The following DGLUCY variants were observed in gnomAD, a reference collection of about 807,000 sequenced individuals.
The protein encoded by DGLUCY is D-glutamate cyclase.
A neutral mutation model predicts 58.5 loss-of-function variants in DGLUCY; 58 were observed. That is an observed-to-expected ratio of 0.99 (90% CI 0.80 to 1.23). DGLUCY has a LOEUF of 1.23. Among genes scored for constraint, DGLUCY ranks in the 50% most tolerant of loss-of-function variants. The pLI is 0.00. For synonymous variants in DGLUCY, 325 were observed against 314.1 expected, an observed-to-expected ratio of 1.03 and a Z score of -0.37; for missense variants, 779 against 784.7, an observed-to-expected ratio of 0.99 and a Z score of 0.09.
chr14:91,154,964 C>T (rs548977162), intron 1 of DGLUCY, among the ~76,000 whole-genome samples: 1 of 152,142 alleles, frequency 6.6e-6, no homozygotes, highest in Non-Finnish European at 1.5e-5. Flanking sequence ...CAGCTGGTCC[C>T]CCCAGTACCT....
intron 5 of DGLUCY, among the ~76,000 whole-genome samples, chr14:91,170,441 G>T (rs569028839): frequency 6.6e-6 from 1 of 152,310 alleles, no homozygotes; most frequent in South Asian, 2.1e-4. Flanking sequence ...TCATGGTTCA[G>T]TGCTGTAAAC....
intron 9 of DGLUCY, among the ~76,000 whole-genome samples, chr14:91,189,479 T>C (rs1467510439): frequency 6.6e-6 from 1 of 152,128 alleles, no homozygotes; most frequent in Non-Finnish European, 1.5e-5. Flanking sequence ...TTCTTAGCAA[T>C]CCGGGGCAGC....
chr14:91,106,737 A>G (rs2140092613), upstream of DGLUCY, among the ~76,000 whole-genome samples: 1 of 151,520 alleles, frequency 6.6e-6, no homozygotes, highest in East Asian at 1.9e-4. Context: ...TTATGAATGT[A>G]TTGAAGGCGA....
At chr14:91,199,939 G>T in intron 11 of DGLUCY, 34 bp downstream of exon 11, 1 of 1,612,640 alleles carries the variant, frequency 6.2e-7, no homozygotes, top group Non-Finnish European at 8.5e-7. Context: ...CACCAAGAAC[G>T]TGGCCCCATG....
At chr14:91,178,953 G>A (rs1258874325) in intron 7 of DGLUCY, among the ~76,000 whole-genome samples, 3 of 152,126 alleles carry the variant, frequency 2.0e-5, no homozygotes, top group Non-Finnish European at 4.4e-5. Flanking sequence ...GAACCCCAGA[G>A]GCGGAGGTTG....
chr14:91,181,366 A>G lies in DGLUCY; in HGVS notation c.911A>G (p.Glu304Gly). The G allele has an allele frequency of 6.2e-7, 1 of 1,613,890 alleles. No homozygotes were observed. The highest frequency in any genetic ancestry group is 1.3e-5 in the African/African-American group (1 of 75,042). The part of the protein sequence containing the change: ...VSASQKIREL[E>G]SMIGIDPGNR... ...GCTTCTCAGAAGATCAGAGAACTAGAGTCTATGATCGGCATAGACCCAGGT... is the reference window on the plus strand; with the variant it reads ...GCTTCTCAGAAGATCAGAGAACTAGGGTCTATGATCGGCATAGACCCAGGT... The change falls in exon 8 of 14, where the codon GAG becomes GGG. Residue 304 changes from glutamate (E) to glycine (G), a missense_variant. Coordinates refer to ENST00000256324, the MANE Select transcript of DGLUCY (RefSeq NM_001102368.3).
chr14:91,199,301 C>A (rs1595899483), intron 10 of DGLUCY, among the ~76,000 whole-genome samples: 1 of 152,030 alleles, frequency 6.6e-6, no homozygotes, highest in Non-Finnish European at 1.5e-5. Context: ...ACTCTGTCGC[C>A]CAGGCTGGAG....
intron 1 of DGLUCY, among the ~76,000 whole-genome samples, chr14:91,068,889 A>G (rs2043870634): frequency 1.3e-5 from 2 of 152,228 alleles, no homozygotes; most frequent in Admixed American, 6.5e-5. Flanking sequence ...GCTAAGAGTC[A>G]ATGTACAGTG....
At chr14:91,132,622 G>A (rs1295123703) in intron 1 of DGLUCY, among the ~76,000 whole-genome samples, 1 of 152,028 alleles carries the variant, frequency 6.6e-6, no homozygotes, top group Non-Finnish European at 1.5e-5. Context: ...GGGATTACAG[G>A]CGCCCGCCAC....
intron 1 of DGLUCY, among the ~76,000 whole-genome samples, chr14:91,108,509 G>GTA: frequency 7.8e-5 from 7 of 89,684 alleles, no homozygotes; most frequent in Admixed American, 5.3e-4. Flanking sequence ...GTGTGTGTGT[G>GTA]TGTGTGTGTG....
upstream of DGLUCY, among the ~76,000 whole-genome samples, chr14:91,111,943 T>A (rs1223713877): frequency 6.6e-6 from 1 of 152,148 alleles, no homozygotes; most frequent in Non-Finnish European, 1.5e-5. Flanking sequence ...TCTTGTCTAA[T>A]AAAGCTTAAC....
intron 12 of DGLUCY, among the ~76,000 whole-genome samples, chr14:91,206,270 C>G (rs1354414488): frequency 6.6e-6 from 1 of 152,196 alleles, no homozygotes; most frequent in East Asian, 1.9e-4. Context: ...GTGAAGTTCA[C>G]AGTCCAGGGC....
upstream of DGLUCY, among the ~76,000 whole-genome samples, chr14:91,111,290 A>ATATAT (rs1555391951): frequency 4.8e-5 from 3 of 62,798 alleles, no homozygotes; most frequent in African/African-American, 1.2e-4. Flanking sequence ...ATATATATAT[A>ATATAT]TTTTTTTTTG....
At position 91,216,297 on chromosome 14, in the gene DGLUCY, G is replaced by A. The variant is rs572353129; in HGVS notation, c.1716+741G>A. 4.2e-4 allele frequency: 66 copies of A among 156,182 alleles called. 1 individual carries two copies. The Middle Eastern group carries it at 0.017, about 40-fold the overall frequency. The allele number at this position is 156,182 out of a possible 1,614,324, so 9.7% of individuals were successfully genotyped here. On this transcript the variant is annotated intron_variant, in intron 13 of 13. Coordinates refer to ENST00000256324, the MANE Select transcript of DGLUCY (RefSeq NM_001102368.3). ...TGTTCCTGTACATGTATTTTTCTGC[G>A]CAAGACTCTGTGGTTTCATCAGATT...
chr14:91,179,360 G>A (rs1019077256), intron 7 of DGLUCY, among the ~76,000 whole-genome samples: 4 of 152,082 alleles, frequency 2.6e-5, no homozygotes, highest in African/African-American at 9.7e-5. Flanking sequence ...TGAGGCAGGA[G>A]GATTGCTTGA....
chr14:91,097,358 T>C (rs1011365271), intron 1 of DGLUCY, among the ~76,000 whole-genome samples: 4 of 152,128 alleles, frequency 2.6e-5, no homozygotes. Flanking sequence ...ATTGCCTCAC[T>C]GGACTCCAGC....
chr14:91,081,428 G>A (rs2044125758), intron 1 of DGLUCY, among the ~76,000 whole-genome samples: 1 of 152,230 alleles, frequency 6.6e-6, no homozygotes, highest in South Asian at 2.1e-4. Flanking sequence ...CCATAGGCCA[G>A]GGCCAGCATG....
At chr14:91,156,774 C>T (rs2047643522) in intron 1 of DGLUCY, among the ~76,000 whole-genome samples, 1 of 152,202 alleles carries the variant, frequency 6.6e-6, no homozygotes, top group Non-Finnish European at 1.5e-5. Context: ...TCTCATCTCA[C>T]CTCACTTCTA....
intron 13 of DGLUCY, chr14:91,223,632 G>T (rs780461786): frequency 4.7e-6 from 6 of 1,276,766 alleles, no homozygotes; most frequent in Admixed American, 2.4e-5. Context: ...TTGGAAGGAG[G>T]GGGGATGGAG....
Sources: gnomAD v4.1 joint callset for allele counts (sites outside exome capture counted in the v4.1 genomes callset) on GRCh38, gnomAD v4.1.1 for gene constraint, MANE v1.5 for transcripts, NCBI Gene and HGNC (gene_info 2026-07-23, HGNC 2026-07-21) for gene names.